The following TMEM181 variants were observed in gnomAD, a reference collection of about 807,000 sequenced individuals.
The protein encoded by TMEM181 is G protein-coupled receptor 178.
Under a neutral mutation model 71.9 loss-of-function variants are expected in TMEM181, and 39 were observed. The ratio of observed to expected loss-of-function variants is 0.54; its 90% CI spans 0.42 to 0.71. TMEM181 has a LOEUF of 0.71. Ranked by LOEUF, TMEM181 falls within the 30% of genes least tolerant of loss-of-function variation. The pLI, the probability that TMEM181 is intolerant of heterozygous loss-of-function variation, is 0.00. For synonymous variants in TMEM181, 245 were observed against 228.8 expected (o/e 1.07, Z -0.64); for missense variants, 595 against 583.0 (o/e 1.02, Z -0.21).
intron 1 of TMEM181, among the ~76,000 whole-genome samples, chr6:158,540,885 G>T (rs556222708): frequency 1.2e-4 from 18 of 152,074 alleles, no homozygotes; most frequent in Non-Finnish European, 2.9e-5. Context: ...CAGCCTCCCA[G>T]GTAGCTGGTA....
intron 1 of TMEM181, among the ~76,000 whole-genome samples, chr6:158,567,763 C>T (rs1461117807): frequency 1.3e-5 from 2 of 152,178 alleles, no homozygotes; most frequent in African/African-American, 4.8e-5. Flanking sequence ...ATGGAACCTT[C>T]CTGAGTCTGA....
intron 1 of TMEM181, among the ~76,000 whole-genome samples, chr6:158,571,624 C>T (rs140338191): frequency 4.9e-4 from 75 of 152,356 alleles, no homozygotes; most frequent in African/African-American, 1.7e-3. Flanking sequence ...ACGTATTAAA[C>T]ACACCATGCT....
At chr6:158,537,049 G>A (rs1466389659) in intron 1 of TMEM181, among the ~76,000 whole-genome samples, 8 of 151,954 alleles carry the variant, frequency 5.3e-5, no homozygotes, top group Non-Finnish European at 7.4e-5. Flanking sequence ...GAAGGGGACG[G>A]GGAGCAGGGA....
intron 10 of TMEM181, chr6:158,611,290 G>T: frequency 2.0e-6 from 1 of 499,654 alleles, no homozygotes; most frequent in Non-Finnish European, 4.1e-6. Flanking sequence ...TTCACTCCTA[G>T]CTGGTCCTTC....
intron 10 of TMEM181, among the ~76,000 whole-genome samples, chr6:158,623,243 G>A (rs113045441): frequency 0.039 from 5,953 of 152,202 alleles, 161 homozygotes; most frequent in Non-Finnish European, 0.058. Context: ...CATTAAAAAG[G>A]TGACTGGAAA....
chr6:158,561,889 G>A (rs750618), intron 1 of TMEM181, among the ~76,000 whole-genome samples: 92,377 of 151,978 alleles, frequency 0.61, 28,814 homozygotes, highest in East Asian at 0.76. Context: ...AAACTGAGAA[G>A]AGTTTGGTAG....
intron 2 of TMEM181, 103 bp downstream of exon 2, chr6:158,573,626 GC>G: frequency 1.0e-6 from 1 of 958,306 alleles, no homozygotes; most frequent in Non-Finnish European, 1.6e-6. Flanking sequence ...ACTGCTAAGG[GC>G]CCCAGCGTGG....
At chr6:158,599,603 A>G (rs1784560519) in intron 6 of TMEM181, among the ~76,000 whole-genome samples, 1 of 152,246 alleles carries the variant, frequency 6.6e-6, no homozygotes, top group Non-Finnish European at 1.5e-5. Context: ...CCAGTACCCT[A>G]GAGTTGGGTC....
chr6:158,626,277 C>T (rs772836867), intron 13 of TMEM181, among the ~76,000 whole-genome samples: 4 of 152,076 alleles, frequency 2.6e-5, no homozygotes, highest in Non-Finnish European at 2.9e-5. Context: ...CCCTGGGGAC[C>T]GGTGCTGGCC....
At chr6:158,536,932 C>T (rs1582903366) in intron 1 of TMEM181, 2 of 1,173,088 alleles carry the variant, frequency 1.7e-6, no homozygotes, top group African/African-American at 3.2e-5. Context: ...TCCGGGACCC[C>T]GGCGCGCCCC....
chr6:158,592,660 A>G (rs1390219626), intron 6 of TMEM181, among the ~76,000 whole-genome samples: 1 of 152,056 alleles, frequency 6.6e-6, no homozygotes, highest in Non-Finnish European at 1.5e-5. Flanking sequence ...TAATTTTCAT[A>G]TATTTAGTAG....
At chr6:158,615,971 T>G (rs184246224) in intron 10 of TMEM181, among the ~76,000 whole-genome samples, 63 of 152,216 alleles carry the variant, frequency 4.1e-4, no homozygotes, top group Non-Finnish European at 4.3e-4. Flanking sequence ...ATGTGGGCTC[T>G]TTTTTGGCTC....
chr6:158,605,158 G>GTGTGTGTGTT, intron 6 of TMEM181, 109 bp from the exon 7 acceptor site: 1 of 571,558 alleles, frequency 1.7e-6, no homozygotes, highest in Non-Finnish European at 3.1e-6. Flanking sequence ...GTGTGTGTGT[G>GTGTGTGTGTT]TATGTGTATA....
rs752173338 is a variant in TMEM181 at position 158,536,902 on chromosome 6, G to A, written c.131+37G>A. ...GCGGGCAGCGGCGGGGCGGCCGGAG[G>A]CTTCCGGGCCGCAGTCCCCTCCGGG... On this transcript the variant is annotated intron_variant, in intron 1 of 16. Coordinates refer to the TMEM181 transcript ENST00000367090. 4 of 1,304,772 alleles carry A rather than the reference G, an allele frequency of 3.1e-6. No homozygotes were observed. In the Admixed American group the frequency reaches 9.6e-5, roughly 31 times the overall value. The allele number at this position is 1,304,772 out of a possible 1,614,324, so 80.8% of individuals were successfully genotyped here.
rs367973159 is a variant in TMEM181, at chr6:158,607,371, C to A, written c.673+28C>A. 6.2e-6 allele frequency: 10 copies of A among 1,602,964 alleles called. No homozygotes were observed. The African/African-American group carries it at 1.2e-4, about 19-fold the overall frequency. ...GGGTAGTTCCATTTTTACTTAGGAA[C>A]TTTTCCCTTTAAAATGTAAAGCTGG... On this transcript the variant is annotated intron_variant, in intron 8 of 16. Transcript: ENST00000684151.
chr6:158,607,418 C>T (rs1017837317), intron 8 of TMEM181, 75 bp downstream of exon 8: 1 of 1,394,586 alleles, frequency 7.2e-7, no homozygotes, highest in Non-Finnish European at 1.0e-6. Flanking sequence ...AGGGTTGTGC[C>T]TGTCATCCCA....
At chr6:158,569,703 C>G (rs193052539) in intron 1 of TMEM181, among the ~76,000 whole-genome samples, 1 of 151,930 alleles carries the variant, frequency 6.6e-6, no homozygotes, top group African/African-American at 2.4e-5. Context: ...CGGGTTCAAG[C>G]GATTCTCCTG....
upstream of TMEM181, among the ~76,000 whole-genome samples, chr6:158,557,193 A>AGT (rs1387098308): frequency 6.6e-6 from 1 of 152,152 alleles, no homozygotes; most frequent in African/African-American, 2.4e-5. Flanking sequence ...TGGACAACAT[A>AGT]GTGAAACCTT....
intron 5 of TMEM181, 120 bp downstream of exon 5, chr6:158,585,545 GA>G: frequency 3.2e-6 from 4 of 1,235,816 alleles, no homozygotes; most frequent in South Asian, 2.6e-5. Flanking sequence ...GTTCTTAAGT[GA>G]AAAAAATGGA....
Sources: gnomAD v4.1 joint callset for allele counts (sites outside exome capture counted in the v4.1 genomes callset) on GRCh38, gnomAD v4.1.1 for gene constraint, MANE v1.5 for transcripts, NCBI Gene and HGNC (gene_info 2026-07-23, HGNC 2026-07-21) for gene names.